The following SP140L variants were observed in gnomAD, a reference collection of about 807,000 sequenced individuals.
The protein encoded by SP140L is SP140 like nuclear body protein, also known as nuclear body protein SP140-like protein.
Under a neutral mutation model 84.3 loss-of-function variants are expected in SP140L, and 64 were observed. The observed-to-expected ratio is 0.76, with a 90% CI of 0.62 to 0.94. The LOEUF (loss-of-function observed/expected upper bound fraction) is 0.94, where lower values mean the gene tolerates loss of function less well. SP140L is among the 40% of genes least tolerant of loss of function. The probability of loss-of-function intolerance (pLI) is 0.00; values close to 1 mark genes in which losing one functional copy is unlikely to be tolerated. For missense variants in SP140L, 628 were observed against 692.5 expected (o/e 0.91, Z 1.05); for synonymous variants, 242 against 236.9 (o/e 1.02, Z -0.20).
At chr2:230,402,477 G>A (rs115036055) in intron 18 of SP140L, among the ~76,000 whole-genome samples, 1,545 of 152,244 alleles carry the variant, frequency 0.01, 28 homozygotes, top group African/African-American at 0.035. Context: ...TGTTACTTAG[G>A]GTGTTTAAGA....
intron 14 of SP140L, among the ~76,000 whole-genome samples, chr2:230,398,254 C>T (rs112227404): frequency 2.2e-4 from 33 of 152,326 alleles, no homozygotes; most frequent in African/African-American, 7.5e-4. Context: ...TGCCTCAACC[C>T]TGACCCAGTG....
At position 230,403,682 on chromosome 2, in the gene SP140L, G is replaced by A. The variant is rs1361907538; in HGVS notation, c.*786G>A. The A allele has an allele frequency of 2.0e-5, 3 of 152,134 alleles. No homozygotes were observed. The highest frequency in any genetic ancestry group is 2.9e-5 in the Non-Finnish European group (2 of 68,042). The allele number at this position is 152,134 out of a possible 1,614,324, so 9.4% of individuals were successfully genotyped here. A position where few individuals can be genotyped will look rare whatever the true frequency, so the allele number is the denominator to read the frequency against. On this transcript the variant is annotated 3_prime_UTR_variant, in exon 19 of 19. Transcript: ENST00000415673. Reference sequence around the variant, plus strand: ...GACCCTTCTTGGAGTCTCATATTTCGTGGAACTCCTGTGCAAACATATATT... The same window carrying A: ...GACCCTTCTTGGAGTCTCATATTTCATGGAACTCCTGTGCAAACATATATT...
intron 12 of SP140L, among the ~76,000 whole-genome samples, chr2:230,392,745 C>A (rs868209378): frequency 2.6e-5 from 4 of 152,140 alleles, no homozygotes; most frequent in African/African-American, 9.7e-5. Context: ...TCAGTGAAAT[C>A]TTCTGAGATT....
At chr2:230,335,505 C>A (rs1489866105) in intron 2 of SP140L, among the ~76,000 whole-genome samples, 1 of 152,182 alleles carries the variant, frequency 6.6e-6, no homozygotes, top group African/African-American at 2.4e-5. Context: ...TTGGGGAAGT[C>A]GTCCTCTGTC....
chr2:230,332,468 T>A (rs969207288), intron 2 of SP140L, among the ~76,000 whole-genome samples: 14 of 152,344 alleles, frequency 9.2e-5, no homozygotes, highest in African/African-American at 3.4e-4. Flanking sequence ...GTTCACATAA[T>A]AGGGCAGAAG....
chr2:230,337,335 C>T (rs151087816), intron 2 of SP140L, among the ~76,000 whole-genome samples: 17,947 of 151,808 alleles, frequency 0.12, 1,104 homozygotes, highest in Middle Eastern at 0.15. Flanking sequence ...ACTTTTTGAT[C>T]GGGTTGTTTG....
chr2:230,400,317 T>C, intron 15 of SP140L, 75 bp downstream of exon 15: 1 of 1,394,892 alleles, frequency 7.2e-7, no homozygotes, highest in Non-Finnish European at 1.0e-6. Flanking sequence ...TCCAGCAGAA[T>C]GTCTGCTTGT....
chr2:230,354,795 G>A (rs1270252839), intron 2 of SP140L, among the ~76,000 whole-genome samples: 1 of 127,100 alleles, frequency 7.9e-6, no homozygotes, highest in Non-Finnish European at 1.6e-5. Context: ...TGGGGGCGGG[G>A]GAAGAGAGAG....
At chr2:230,392,304 C>T in intron 12 of SP140L, 75 bp downstream of exon 12, 1 of 1,594,068 alleles carries the variant, frequency 6.3e-7, no homozygotes, top group Non-Finnish European at 8.6e-7. Flanking sequence ...GTTTATTCAC[C>T]AAATATTTGT....
chr2:230,329,953 C>T (rs2059682170), intron 2 of SP140L, among the ~76,000 whole-genome samples: 1 of 152,116 alleles, frequency 6.6e-6, no homozygotes, highest in East Asian at 1.9e-4. Flanking sequence ...CTCGTTCAAT[C>T]TTCATGGTTT....
At chr2:230,359,167 G>A (rs1265551421) in intron 4 of SP140L, 35 bp downstream of exon 4, 1 of 1,589,390 alleles carries the variant, frequency 6.3e-7, no homozygotes, top group Non-Finnish European at 8.6e-7. Flanking sequence ...TTGATTTCCG[G>A]GGCCAATTTT....
intron 7 of SP140L, among the ~76,000 whole-genome samples, chr2:230,379,822 A>T (rs1358860500): frequency 6.6e-6 from 1 of 152,192 alleles, no homozygotes; most frequent in Non-Finnish European, 1.5e-5. Context: ...TCATTCTTTT[A>T]TTGTAACTAT....
At chr2:230,397,526 G>A (rs541462431) in intron 14 of SP140L, among the ~76,000 whole-genome samples, 26 of 152,222 alleles carry the variant, frequency 1.7e-4, no homozygotes, top group Middle Eastern at 6.8e-3. Context: ...CTTGCTATAT[G>A]ACTGCCTGCT....
chr2:230,348,639 G>A (rs2060278620), intron 2 of SP140L, among the ~76,000 whole-genome samples: 1 of 152,034 alleles, frequency 6.6e-6, no homozygotes, highest in Admixed American at 6.6e-5. Context: ...AATATAATTG[G>A]CTAATATTTT....
At chr2:230,328,710 G>A (rs369901102) in intron 1 of SP140L, 47 bp from the exon 2 acceptor site, 1 of 1,596,244 alleles carries the variant, frequency 6.3e-7, no homozygotes, top group Non-Finnish European at 8.5e-7. Flanking sequence ...GAAGCAAAGG[G>A]TGCTGTTATT....
chr2:230,382,233 C>T (rs923658296), intron 7 of SP140L, among the ~76,000 whole-genome samples: 3 of 121,742 alleles, frequency 2.5e-5, no homozygotes, highest in Non-Finnish European at 4.8e-5. Flanking sequence ...CTATGTGGGA[C>T]CTCAGAAGCT....
At chr2:230,361,477 C>T (rs1252973054) in intron 4 of SP140L, 137 bp from the exon 5 acceptor site, 1 of 679,304 alleles carries the variant, frequency 1.5e-6, no homozygotes, top group East Asian at 2.8e-5. Context: ...TCTTCTCTGT[C>T]CCAGAAGATG....
At chr2:230,354,982 T>C (rs2060500407) in intron 2 of SP140L, among the ~76,000 whole-genome samples, 1 of 151,692 alleles carries the variant, frequency 6.6e-6, no homozygotes, top group Admixed American at 6.6e-5. Context: ...TAAGAATATG[T>C]ATAAAGGTCT....
chr2:230,388,041 G>A (rs2061658215), intron 9 of SP140L, among the ~76,000 whole-genome samples: 1 of 152,104 alleles, frequency 6.6e-6, no homozygotes, highest in South Asian at 2.1e-4. Context: ...TCACAGAACT[G>A]CCATTTATTT....
Sources: allele counts gnomAD v4.1 joint callset (sites outside exome capture counted in the v4.1 genomes callset), GRCh38; gene constraint gnomAD v4.1.1; transcripts MANE v1.5; gene names NCBI Gene and HGNC (gene_info 2026-07-23, HGNC 2026-07-21).